Variants in CAPN10 observed in about 807,000 individuals in gnomAD.
CAPN10 encodes calpain 10.
CAPN10 carries 71 observed loss-of-function variants against 78.4 expected under a neutral mutation model. The observed-to-expected ratio is 0.91, with a 90% CI of 0.75 to 1.10. The LOEUF is 1.10. Ranked by LOEUF, CAPN10 falls within the 50% of genes least tolerant of loss-of-function variation. CAPN10 has a pLI of 0.00. For synonymous variants in CAPN10, 437 were observed against 407.2 expected (o/e 1.07, Z -0.88); for missense variants, 849 against 924.6 (o/e 0.92, Z 1.06).
In CAPN10 at chr2:240,596,712, C is replaced by G. The variant is rs763737919; in HGVS notation, c.1513C>G (p.Pro505Ala). Residue 505 changes from proline (P) to alanine (A), a missense_variant, in exon 9 of 12, where the codon CCC (proline) becomes GCC (alanine). Physicochemically the swap from Pro to Ala is conservative, Grantham distance 27. Transcript: ENST00000391984. ...CAGGGCAGTGGCCAAGAACACCACC[C>G]CCGGGGCAGCCCTGCCTGCGGGGGA... ...AIRAVAKNTT[P>A]GAALPAGEWG... The G allele has an allele frequency of 3.8e-6, 6 of 1,571,014 alleles. No homozygotes were observed. The highest frequency in any genetic ancestry group is 5.2e-6 in the Non-Finnish European group (6 of 1,157,338).
chr2:240,593,848 G>A (rs1321801839), intron 4 of CAPN10, 58 bp from the exon 5 acceptor site: 28 of 1,527,922 alleles, frequency 1.8e-5, no homozygotes, highest in Middle Eastern at 1.8e-4. Flanking sequence ...GTGTGTCCTT[G>A]TCAGTTTGGG....
Position 240,597,740 on chromosome 2 carries a change from C to T in CAPN10, c.1744-148C>T, listed in dbSNP as rs1225123621. 10 of 736,852 alleles carry T rather than the reference C, an allele frequency of 1.4e-5. 1 individual carries two copies. Among genetic ancestry groups the T allele is most frequent in the Admixed American group, 5.9e-5 (2 of 33,822 alleles). 45.6% of individuals were successfully genotyped at this position (736,852 alleles called of 1,614,324 possible). On this transcript the variant is annotated intron_variant, in intron 9 of 11. Transcript: ENST00000391984. ...GGGTGGCCAGGCCTTGGTGAGGAGG[C>T]GAGTCCAGTGTCCAGGCCTGGCAGC...
At chr2:240,590,216 A>G (rs1214034764) in intron 2 of CAPN10, 1 of 151,732 alleles carries the variant, frequency 6.6e-6, no homozygotes, top group Non-Finnish European at 1.5e-5. Context: ...CCCAGCCTGC[A>G]CTCCCCCGAT....
chr2:240,598,400 G>A lies in CAPN10; in HGVS notation c.1989+3G>A. On this transcript the variant is annotated splice_donor_region_variant and intron_variant, in intron 11 of 11. Coordinates refer to ENST00000391984, the MANE Select transcript of CAPN10 (RefSeq NM_023083.4). ...TGCTGGGCCAGTTCCTCCAAGAGGT[G>A]TGTATGCAGCCCCGCCAGCCCGGCT... 4 of 1,613,702 alleles carry A rather than the reference G, an allele frequency of 2.5e-6. No individual in the cohort carries two copies. The highest frequency in any genetic ancestry group is 3.4e-6 in the Non-Finnish European group (4 of 1,179,966).
chr2:240,597,860 C>T (rs1189668323), intron 9 of CAPN10, 28 bp from the exon 10 acceptor site: 6 of 1,557,594 alleles, frequency 3.9e-6, no homozygotes, highest in Non-Finnish European at 5.2e-6. Flanking sequence ...AGGCTGGCCC[C>T]CTCAGTCTGA....
intron 5 of CAPN10, 50 bp downstream of exon 5, chr2:240,594,097 C>T (rs1440836655): frequency 6.6e-7 from 1 of 1,508,540 alleles, no homozygotes; most frequent in Admixed American, 1.9e-5. Flanking sequence ...GGGCCCAGTG[C>T]CAGTCTGGCC....
intron 2 of CAPN10, chr2:240,589,719 T>C: frequency 2.0e-6 from 1 of 503,770 alleles, no homozygotes; most frequent in Non-Finnish European, 3.5e-6. Flanking sequence ...TGCTCTGTGC[T>C]CTCCTGACCC....
At chr2:240,587,942 G>A (rs1021102557) in intron 1 of CAPN10, among the ~76,000 whole-genome samples, 1 of 152,170 alleles carries the variant, frequency 6.6e-6, no homozygotes, top group African/African-American at 2.4e-5. Flanking sequence ...AGAATGCAAG[G>A]GTCCATTGTA....
Position 240,596,300 on chromosome 2 carries a change from C to G in CAPN10, c.1279-19C>G. On this transcript the variant is annotated intron_variant, in intron 7 of 11. Transcript: ENST00000391984. ...CCCCGGCCGCTCCTCCACACTGAGC[C>G]TCCTGCACGTGCTCACAGGTAGAGA... is the stretch of plus-strand genomic sequence containing the variant. The G allele has an allele frequency of 6.3e-7, 1 of 1,591,446 alleles. No individual in the cohort carries two copies. Among genetic ancestry groups the G allele is most frequent in the Non-Finnish European group, 8.6e-7 (1 of 1,164,150 alleles).
At chr2:240,591,290 A>T (rs2093100437) in intron 3 of CAPN10, 1 of 385,286 alleles carries the variant, frequency 2.6e-6, no homozygotes. Context: ...TCCTTATTTT[A>T]TCGGCCCCAG....
intron 6 of CAPN10, 87 bp from the exon 7 acceptor site, chr2:240,594,937 G>C (rs12994375): frequency 1.4e-6 from 2 of 1,399,472 alleles, no homozygotes; most frequent in Non-Finnish European, 2.0e-6. Flanking sequence ...CTGCTGCTTA[G>C]ACCCTGCCAG....
chr2:240,590,844 C>T lies in CAPN10; in HGVS notation c.303C>T (p.Ala101=), dbSNP rs1034523415. 1.7e-5 allele frequency: 28 copies of T among 1,614,080 alleles called. No homozygotes were observed. Among genetic ancestry groups the T allele is most frequent in the South Asian group, 3.3e-5 (3 of 91,092 alleles). The change falls in exon 3 of 12, where the codon GCC becomes GCT. Residue 101 remains alanine (A), a synonymous_variant. Transcript: ENST00000391984. The part of the protein sequence containing the change: ...QVIPPGQPSW[A]DQEYRGSFTC... Reference sequence around the variant, plus strand: ...TTCCTCCGGGACAGCCGAGCTGGGCCGACCAGGAGTACCGGGGCTCCTTCA... The same window carrying T: ...TTCCTCCGGGACAGCCGAGCTGGGCTGACCAGGAGTACCGGGGCTCCTTCA...
intron 4 of CAPN10, among the ~76,000 whole-genome samples, chr2:240,593,078 C>T (rs546528497): frequency 4.6e-5 from 7 of 152,326 alleles, no homozygotes; most frequent in African/African-American, 1.2e-4. Flanking sequence ...CCGCCAGCCC[C>T]GCTGGGGTGC....
chr2:240,586,887 C>T lies in CAPN10; in HGVS notation c.-25C>T, dbSNP rs984251207. On this transcript the variant is annotated 5_prime_UTR_variant, in exon 1 of 12. Transcript: ENST00000391984. ...GCTGCGACCCCGAGGCAACCGGCTG[C>T]AGATGGGAGCCCGCGGAGCCGAGGA... 7.3e-7 allele frequency: 1 copy of T among 1,370,780 alleles called. No individual in the cohort carries two copies. The highest frequency in any genetic ancestry group is 3.6e-5 in the Admixed American group (1 of 27,690). 84.9% of individuals were successfully genotyped at this position (1,370,780 alleles called of 1,614,324 possible). A position where few individuals can be genotyped will look rare whatever the true frequency, so the allele number is the denominator to read the frequency against.
intron 7 of CAPN10, chr2:240,595,937 G>A (rs746771879): frequency 1.5e-6 from 2 of 1,344,710 alleles, no homozygotes; most frequent in South Asian, 1.2e-5. Context: ...TTGACAGGGT[G>A]TGACACTTGG....
intron 4 of CAPN10, among the ~76,000 whole-genome samples, chr2:240,593,532 ACT>A (rs1247982801): frequency 6.6e-6 from 1 of 151,930 alleles, no homozygotes; most frequent in Non-Finnish European, 1.5e-5. Flanking sequence ...CAAGAGAAAC[ACT>A]CTCTAGATTT....
rs1324844463 is a variant in CAPN10, at chr2:240,598,088, G to A, written c.1943+1G>A. On this transcript the variant is annotated splice_donor_variant, in intron 10 of 11. Coordinates refer to ENST00000391984, the MANE Select transcript of CAPN10 (RefSeq NM_023083.4). LOFTEE classifies it high-confidence loss of function. ...TGACCATCGCAACCAGGATTGACAG[G>A]TGGGGCTCTGGGACTTGGGGGCGGC... 6 of 1,603,554 alleles carry A rather than the reference G, an allele frequency of 3.7e-6. No homozygotes were observed. Among genetic ancestry groups the A allele is most frequent in the Non-Finnish European group, 5.1e-6 (6 of 1,172,468 alleles).
rs777671651 is a variant in CAPN10, at chr2:240,597,880, T to C, written c.1744-8T>C. On this transcript the variant is annotated splice_region_variant and splice_polypyrimidine_tract_variant and intron_variant, in intron 9 of 11. Transcript: ENST00000391984. Reference sequence around the variant, plus strand: ...GGCCCCCTCAGTCTGAGCCTGCGCTTTCCTCAGGTCCCAGAGGGTGGAAGG... The same window carrying C: ...GGCCCCCTCAGTCTGAGCCTGCGCTCTCCTCAGGTCCCAGAGGGTGGAAGG... 1 of 1,586,776 alleles carries C rather than the reference T, an allele frequency of 6.3e-7. No homozygotes were observed. The highest frequency in any genetic ancestry group is 8.6e-7 in the Non-Finnish European group (1 of 1,168,154).
In CAPN10 at chr2:240,594,057, GGGGC is replaced by G. The variant is rs776354883; in HGVS notation, c.830+11_830+14del. 7 of 1,586,634 alleles carry G rather than the reference GGGGC, an allele frequency of 4.4e-6. No individual in the cohort carries two copies. ...GGCTCTGGAGAGAGGGGTGAGTGCT[GGGGC>G]CTGGACCATGCTGCTGTCGGGAGGG... is the stretch of plus-strand genomic sequence containing the variant. On this transcript the variant is annotated intron_variant, in intron 5 of 11. Coordinates refer to ENST00000391984, the MANE Select transcript of CAPN10 (RefSeq NM_023083.4).
Sources: allele counts gnomAD v4.1 joint callset (sites outside exome capture counted in the v4.1 genomes callset), GRCh38; gene constraint gnomAD v4.1.1; transcripts MANE v1.5; gene names NCBI Gene and HGNC (gene_info 2026-07-23, HGNC 2026-07-21).